The following NAV3 variants were observed in gnomAD, a reference collection of about 807,000 sequenced individuals.
NAV3 encodes the protein neuron navigator 3.
NAV3 carries 87 observed loss-of-function variants against 244.7 expected under a neutral mutation model. That is an observed-to-expected ratio of 0.36 (90% CI 0.30 to 0.42). The LOEUF (loss-of-function observed/expected upper bound fraction) is 0.42. Among genes scored for constraint, NAV3 ranks in the 20% least tolerant of loss-of-function variants. The pLI is 1.00. For missense variants in NAV3, 2,663 were observed against 2,893.3 expected (o/e 0.92, Z 1.83); for synonymous variants, 1,126 against 1,042.2 (o/e 1.08, Z -1.55).
intron 3 of NAV3, among the ~76,000 whole-genome samples, chr12:77,948,687 C>CG (rs1890595347): frequency 7.2e-6 from 1 of 138,132 alleles, no homozygotes; most frequent in Non-Finnish European, 1.6e-5. Flanking sequence ...ATTGCCCCCC[C>CG]ACCACTGCCA....
chr12:78,140,018 C>T (rs1364562049), intron 19 of NAV3, among the ~76,000 whole-genome samples: 7 of 152,038 alleles, frequency 4.6e-5, no homozygotes, highest in South Asian at 2.1e-4. Context: ...TCAACATGTA[C>T]GAAACAGGCT....
chr12:77,872,106 A>G (rs1881055976), intron 1 of NAV3, among the ~76,000 whole-genome samples: 1 of 152,054 alleles, frequency 6.6e-6, no homozygotes, highest in South Asian at 2.1e-4. Context: ...GTGTCTGTTC[A>G]TATACTTCAC....
At chr12:77,685,488 C>CAA (rs1565771308) in intron 2 of NAV3, among the ~76,000 whole-genome samples, 2 of 150,550 alleles carry the variant, frequency 1.3e-5, no homozygotes, top group Admixed American at 6.6e-5. Context: ...CACACACACA[C>CAA]ACACACACAC....
At chr12:77,921,195 A>G (rs926298428) in intron 1 of NAV3, among the ~76,000 whole-genome samples, 1 of 152,072 alleles carries the variant, frequency 6.6e-6, no homozygotes, top group East Asian at 1.9e-4. Flanking sequence ...TCATAAATCT[A>G]GTGCCTGAGG....
intron 2 of NAV3, among the ~76,000 whole-genome samples, chr12:77,595,426 G>C (rs1187289218): frequency 1.3e-5 from 2 of 152,076 alleles, no homozygotes; most frequent in Non-Finnish European, 1.5e-5. Flanking sequence ...AGGGTAGAGA[G>C]TTGAAGTTAT....
At chr12:78,171,389 G>A (rs749358813) in intron 24 of NAV3, among the ~76,000 whole-genome samples, 1 of 151,650 alleles carries the variant, frequency 6.6e-6, no homozygotes, top group East Asian at 1.9e-4. Flanking sequence ...TTAGGCAACA[G>A]GTAGCTGAAT....
At chr12:77,658,076 C>G (rs1189774293) in intron 2 of NAV3, among the ~76,000 whole-genome samples, 1 of 151,262 alleles carries the variant, frequency 6.6e-6, no homozygotes, top group East Asian at 1.9e-4. Flanking sequence ...CTCACCACTC[C>G]TATTCAACAT....
At chr12:78,129,329 C>T (rs2138866098) in intron 18 of NAV3, among the ~76,000 whole-genome samples, 1 of 152,058 alleles carries the variant, frequency 6.6e-6, no homozygotes, top group Admixed American at 6.6e-5. Context: ...AAAATAGAAA[C>T]AATTAGGAAG....
intron 12 of NAV3, among the ~76,000 whole-genome samples, chr12:78,061,365 G>A (rs1054235038): frequency 3.9e-5 from 6 of 152,128 alleles, no homozygotes; most frequent in Non-Finnish European, 8.8e-5. Flanking sequence ...ATATTGATAT[G>A]TTAGAATACA....
intron 3 of NAV3, among the ~76,000 whole-genome samples, chr12:77,949,200 G>C (rs938937283): frequency 6.6e-6 from 1 of 151,948 alleles, no homozygotes; most frequent in Non-Finnish European, 1.5e-5. Context: ...TTTAGAGAAA[G>C]ATCTGATAGT....
chr12:77,684,254 T>G (rs892535494), intron 2 of NAV3, among the ~76,000 whole-genome samples: 4 of 129,924 alleles, frequency 3.1e-5, no homozygotes, highest in African/African-American at 1.1e-4. Flanking sequence ...TGCCCAAGTC[T>G]TTTGCCCATT....
intron 18 of NAV3, chr12:78,130,461 CA>C: frequency 4.6e-6 from 1 of 216,610 alleles, no homozygotes. Flanking sequence ...GATCCCACCA[CA>C]AAAACTCCCC....
chr12:77,646,843 G>A (rs969372599), intron 2 of NAV3, among the ~76,000 whole-genome samples: 1 of 152,034 alleles, frequency 6.6e-6, no homozygotes, highest in Non-Finnish European at 1.5e-5. Context: ...TATGTAAATG[G>A]CAAAATCATT....
chr12:77,679,560 A>G (rs747315890), intron 2 of NAV3, among the ~76,000 whole-genome samples: 1 of 152,038 alleles, frequency 6.6e-6, no homozygotes, highest in Non-Finnish European at 1.5e-5. Flanking sequence ...AAAAAAATCA[A>G]TGAGTTGTTT....
At chr12:78,026,263 G>T (rs1351490425) in intron 9 of NAV3, among the ~76,000 whole-genome samples, 3 of 152,042 alleles carry the variant, frequency 2.0e-5, no homozygotes, top group African/African-American at 4.8e-5. Context: ...ATATCCAACT[G>T]CCAACACAAT....
chr12:77,941,006 CGT>C, intron 2 of NAV3, 73 bp from the exon 3 acceptor site: 2 of 924,670 alleles, frequency 2.2e-6, no homozygotes, highest in Non-Finnish European at 3.4e-6. Flanking sequence ...TTCCTGTTTT[CGT>C]GTGTGTGTTT....
intron 8 of NAV3, among the ~76,000 whole-genome samples, chr12:78,019,158 A>T (rs1274207218): frequency 6.6e-6 from 1 of 152,198 alleles, no homozygotes. Flanking sequence ...ACAGATGAAC[A>T]AACAAGTTCA....
intron 2 of NAV3, among the ~76,000 whole-genome samples, chr12:77,782,469 A>C (rs1565812093): frequency 6.6e-6 from 1 of 151,952 alleles, no homozygotes; most frequent in African/African-American, 2.4e-5. Flanking sequence ...TTCAAATAAA[A>C]ATTTAAAATT....
At chr12:77,990,130 T>C (rs941788572) in intron 5 of NAV3, among the ~76,000 whole-genome samples, 1 of 75,744 alleles carries the variant, frequency 1.3e-5, no homozygotes, top group Non-Finnish European at 2.5e-5. Flanking sequence ...TCCTGCTCTC[T>C]GTTGCACAGA....
Sources: allele counts gnomAD v4.1 joint callset (sites outside exome capture counted in the v4.1 genomes callset), GRCh38; gene constraint gnomAD v4.1.1; transcripts MANE v1.5; gene names NCBI Gene and HGNC (gene_info 2026-07-23, HGNC 2026-07-21).